Variants in PTPRM observed in about 807,000 individuals in gnomAD.
The protein encoded by PTPRM is protein tyrosine phosphatase receptor type M, also known as receptor-type tyrosine-protein phosphatase mu.
Under a neutral mutation model 186.7 loss-of-function variants are expected in PTPRM, and 47 were observed. The ratio of observed to expected loss-of-function variants is 0.25; its 90% CI spans 0.20 to 0.32. The LOEUF (loss-of-function observed/expected upper bound fraction) is 0.32. Among genes scored for constraint, PTPRM ranks in the 10% least tolerant of loss-of-function variants. The probability of loss-of-function intolerance (pLI) is 1.00; values close to 1 mark genes in which losing one functional copy is unlikely to be tolerated. For missense variants in PTPRM, 1,494 were observed against 1,865.0 expected (o/e 0.80, Z 3.66); for synonymous variants, 668 against 674.9 (o/e 0.99, Z 0.16).
chr18:8,024,946 G>C (rs558783317), intron 7 of PTPRM, among the ~76,000 whole-genome samples: 10 of 152,066 alleles, frequency 6.6e-5, no homozygotes, highest in African/African-American at 1.9e-4. Context: ...GGCCTCAAGT[G>C]ATCCTCCTGC....
chr18:7,929,379 T>G (rs2051349979), intron 5 of PTPRM, among the ~76,000 whole-genome samples: 1 of 152,196 alleles, frequency 6.6e-6, no homozygotes. Flanking sequence ...TTTCTCTTGC[T>G]GAGTCTTTTC....
chr18:7,818,149 A>T (rs1205146860), intron 2 of PTPRM, among the ~76,000 whole-genome samples: 2 of 152,108 alleles, frequency 1.3e-5, no homozygotes, highest in Admixed American at 1.3e-4. Context: ...AATGTCACTT[A>T]ATTTCTAGGG....
intron 7 of PTPRM, among the ~76,000 whole-genome samples, chr18:8,027,891 C>G (rs1568210489): frequency 6.6e-6 from 1 of 152,184 alleles, no homozygotes; most frequent in African/African-American, 2.4e-5. Flanking sequence ...AGCCCCAGCC[C>G]CTGTCTTCTG....
chr18:7,768,378 A>G (rs958722364), intron 1 of PTPRM, among the ~76,000 whole-genome samples: 1 of 152,232 alleles, frequency 6.6e-6, no homozygotes, highest in Admixed American at 6.5e-5. Flanking sequence ...CTGTGGTCCC[A>G]GGTACTCTGG....
intron 14 of PTPRM, among the ~76,000 whole-genome samples, chr18:8,144,331 T>G (rs2092831553): frequency 6.6e-6 from 1 of 152,186 alleles, no homozygotes; most frequent in Non-Finnish European, 1.5e-5. Flanking sequence ...GCAAGTGGTG[T>G]GGCTGGGCAC....
chr18:8,281,118 C>T (rs990658441), intron 19 of PTPRM, among the ~76,000 whole-genome samples: 2 of 152,220 alleles, frequency 1.3e-5, no homozygotes, highest in Non-Finnish European at 2.9e-5. Context: ...GCTCAATGAA[C>T]ATCATATCCC....
intron 32 of PTPRM, chr18:8,399,706 C>G (rs974352379): frequency 6.6e-6 from 1 of 152,228 alleles, no homozygotes; most frequent in Non-Finnish European, 1.5e-5. Context: ...AATCCAGATC[C>G]GGATCCCTCC....
chr18:7,615,195 TAC>T (rs2037772529), intron 1 of PTPRM, among the ~76,000 whole-genome samples: 2 of 152,190 alleles, frequency 1.3e-5, no homozygotes, highest in South Asian at 4.1e-4. Context: ...ATCATTTAAA[TAC>T]AGTTACTTTA....
chr18:8,402,541 T>G (rs1216601835), intron 32 of PTPRM, among the ~76,000 whole-genome samples: 2 of 152,214 alleles, frequency 1.3e-5, no homozygotes, highest in Non-Finnish European at 2.9e-5. Flanking sequence ...GAGTAGCCAC[T>G]GAAATTAATT....
chr18:8,000,688 T>C (rs561342975), intron 7 of PTPRM, among the ~76,000 whole-genome samples: 34 of 152,332 alleles, frequency 2.2e-4, no homozygotes, highest in Admixed American at 5.9e-4. Flanking sequence ...TTGTGTGTGA[T>C]AGAAACATAG....
intron 9 of PTPRM, among the ~76,000 whole-genome samples, 182 bp downstream of exon 9, chr18:8,076,746 A>C (rs955831851): frequency 6.6e-6 from 1 of 152,110 alleles, no homozygotes; most frequent in Admixed American, 6.6e-5. Flanking sequence ...AATTATATAT[A>C]ATTTGAGGAT....
At chr18:7,978,811 A>G (rs1303844622) in intron 7 of PTPRM, among the ~76,000 whole-genome samples, 1 of 152,160 alleles carries the variant, frequency 6.6e-6, no homozygotes, top group Admixed American at 6.6e-5. Context: ...AGGGTCTGTG[A>G]GCACGTGACA....
At chr18:7,614,931 T>G (rs967972948) in intron 1 of PTPRM, among the ~76,000 whole-genome samples, 4 of 152,182 alleles carry the variant, frequency 2.6e-5, no homozygotes, top group Admixed American at 6.5e-5. Context: ...TTTGAACCGT[T>G]TTACTTTTTA....
chr18:7,720,461 A>T (rs982151497), intron 1 of PTPRM, among the ~76,000 whole-genome samples: 1 of 152,242 alleles, frequency 6.6e-6, no homozygotes, highest in Non-Finnish European at 1.5e-5. Flanking sequence ...GACTTAAAAA[A>T]ATTAATAGAC....
chr18:8,107,837 TG>T (rs1215994949), intron 11 of PTPRM, among the ~76,000 whole-genome samples: 2 of 152,242 alleles, frequency 1.3e-5, no homozygotes, highest in African/African-American at 2.4e-5. Flanking sequence ...TCAACAGGTG[TG>T]TGTCCAGTCA....
chr18:8,181,991 C>T (rs1048481102), intron 14 of PTPRM, among the ~76,000 whole-genome samples: 5 of 152,088 alleles, frequency 3.3e-5, no homozygotes, highest in African/African-American at 1.2e-4. Flanking sequence ...TGGTCTGTGG[C>T]TTACCTTAGG....
intron 12 of PTPRM, 81 bp downstream of exon 12, chr18:8,113,840 T>C (rs1198732287): frequency 7.6e-7 from 1 of 1,314,492 alleles, no homozygotes; most frequent in Non-Finnish European, 1.0e-6. Flanking sequence ...AGTAGTAAAA[T>C]GGAAGTCATG....
intron 1 of PTPRM, among the ~76,000 whole-genome samples, chr18:7,658,204 G>A (rs1248199248): frequency 2.0e-5 from 3 of 151,636 alleles, no homozygotes; most frequent in Non-Finnish European, 2.9e-5. Context: ...CTTAAATGCT[G>A]TTCTGGGCTC....
chr18:8,345,932 C>T (rs886309483), intron 23 of PTPRM, among the ~76,000 whole-genome samples: 42 of 152,150 alleles, frequency 2.8e-4, no homozygotes, highest in African/African-American at 8.7e-4. Context: ...GTAAGATTTA[C>T]GTAAAATTAT....
Sources: allele counts gnomAD v4.1 joint callset (sites outside exome capture counted in the v4.1 genomes callset), GRCh38; gene constraint gnomAD v4.1.1; transcripts MANE v1.5; gene names NCBI Gene and HGNC (gene_info 2026-07-23, HGNC 2026-07-21).